DOCK9: variants seen among roughly 807,000 people sequenced by gnomAD.
DOCK9 encodes dedicator of cytokinesis protein 9.
DOCK9 carries 89 observed loss-of-function variants against 263.3 expected under a neutral mutation model. That is an observed-to-expected ratio of 0.34 (90% confidence interval 0.28 to 0.40). The LOEUF is 0.40. Among genes scored for constraint, DOCK9 ranks in the 10% least tolerant of loss-of-function variants. The pLI, the probability that DOCK9 is intolerant of heterozygous loss-of-function variation, is 1.00. For missense variants in DOCK9, 2,140 were observed against 2,603.4 expected (o/e 0.82, Z 3.87); for synonymous variants, 976 against 973.1 (o/e 1.00, Z -0.06).
At chr13:98,839,085 G>A (rs1052129296) in intron 38 of DOCK9, among the ~76,000 whole-genome samples, 13 of 152,312 alleles carry the variant, frequency 8.5e-5, no homozygotes, top group African/African-American at 2.9e-4. Context: ...TTTAAAATAT[G>A]ATAGAAATGC....
intron 48 of DOCK9, 151 bp downstream of exon 48, chr13:98,807,510 A>G (rs2090864387): frequency 3.4e-6 from 2 of 588,698 alleles, no homozygotes; most frequent in Non-Finnish European, 5.1e-6. Context: ...GGAAAGCACT[A>G]AAGGTATCAG....
chr13:98,998,207 G>C (rs1356492430), intron 1 of DOCK9, among the ~76,000 whole-genome samples: 1 of 152,188 alleles, frequency 6.6e-6, no homozygotes. Context: ...TGCATCATCA[G>C]AGAAGCCAGA....
chr13:99,075,900 G>T (rs188408436), intron 1 of DOCK9, among the ~76,000 whole-genome samples: 1 of 152,178 alleles, frequency 6.6e-6, no homozygotes, highest in African/African-American at 2.4e-5. Context: ...TTCACTTTCA[G>T]ATTAACATTC....
intron 1 of DOCK9, among the ~76,000 whole-genome samples, chr13:98,967,530 C>T (rs2059328259): frequency 6.6e-6 from 1 of 152,220 alleles, no homozygotes; most frequent in African/African-American, 2.4e-5. Flanking sequence ...GGACCTTCCC[C>T]ATCACACATG....
intron 39 of DOCK9, chr13:98,832,100 G>A (rs989528374): frequency 1.3e-4 from 32 of 255,804 alleles, no homozygotes; most frequent in African/African-American, 5.5e-4. Flanking sequence ...ATACAGAGGT[G>A]CCATTTGTGA....
intron 27 of DOCK9, among the ~76,000 whole-genome samples, chr13:98,876,230 G>A (rs1268097204): frequency 6.6e-6 from 1 of 152,186 alleles, no homozygotes; most frequent in South Asian, 2.1e-4. Flanking sequence ...GGTGGCTCAC[G>A]CCTGTAATCC....
chr13:99,020,390 A>C (rs1394053961), intron 1 of DOCK9, among the ~76,000 whole-genome samples: 1 of 152,116 alleles, frequency 6.6e-6, no homozygotes, highest in African/African-American at 2.4e-5. Flanking sequence ...CAGGGTGTGC[A>C]TTTTAGACCT....
chr13:98,995,165 G>A (rs777222162), intron 1 of DOCK9, among the ~76,000 whole-genome samples: 90 of 152,174 alleles, frequency 5.9e-4, no homozygotes, highest in African/African-American at 5.5e-4. Context: ...ACAAAACACC[G>A]TTCCCGAGGA....
chr13:98,870,156 T>C (rs1566789931), intron 27 of DOCK9, among the ~76,000 whole-genome samples: 1 of 152,230 alleles, frequency 6.6e-6, no homozygotes, highest in African/African-American at 2.4e-5. Flanking sequence ...ATTTCTGACA[T>C]GACAGCAGGC....
chr13:98,869,208 A>G (rs1594818788), intron 27 of DOCK9, among the ~76,000 whole-genome samples: 1 of 152,264 alleles, frequency 6.6e-6, no homozygotes, highest in Admixed American at 6.5e-5. Context: ...TTTCCCCAAC[A>G]GGAACCTACA....
intron 9 of DOCK9, among the ~76,000 whole-genome samples, chr13:98,906,932 C>T (rs558353963): frequency 6.6e-6 from 1 of 152,158 alleles, no homozygotes; most frequent in South Asian, 2.1e-4. Context: ...GTTGCCACAC[C>T]AAGTTTATCT....
At chr13:98,822,165 G>A (rs2092311571) in intron 45 of DOCK9, among the ~76,000 whole-genome samples, 1 of 152,158 alleles carries the variant, frequency 6.6e-6, no homozygotes, top group South Asian at 2.1e-4. Flanking sequence ...CCTTGTTAAA[G>A]ATTTACTAAG....
intron 13 of DOCK9, among the ~76,000 whole-genome samples, chr13:98,901,112 A>G (rs1050053377): frequency 6.6e-6 from 1 of 152,246 alleles, no homozygotes; most frequent in Non-Finnish European, 1.5e-5. Flanking sequence ...AGCTCCAGCC[A>G]TGAGACACTG....
At position 99,076,557 on chromosome 13, in the gene DOCK9, A is replaced by G. The variant is rs963844534; in HGVS notation, c.129+9666T>C. 2.6e-5 allele frequency among the ~76,000 whole-genome samples: 4 copies of G among 152,218 alleles called. No individual in the cohort carries two copies. In the East Asian group the frequency reaches 7.7e-4, roughly 29 times the overall value. On this transcript the variant is annotated intron_variant, in intron 1 of 32. Transcript: ENST00000427887. Reference sequence around the variant, plus strand: ...TGATGTGCAAAAATATTGGCAAATTAGTCATATGTAGCAATGAGAAACTCA... The same window carrying G: ...TGATGTGCAAAAATATTGGCAAATTGGTCATATGTAGCAATGAGAAACTCA...
intron 2 of DOCK9, among the ~76,000 whole-genome samples, chr13:98,932,073 G>A (rs2054039833): frequency 6.6e-6 from 1 of 152,074 alleles, no homozygotes; most frequent in African/African-American, 2.4e-5. Flanking sequence ...TTTCTCCTAT[G>A]GACTGTAACC....
At chr13:99,054,649 A>G (rs12867949) in intron 1 of DOCK9, among the ~76,000 whole-genome samples, 96,608 of 152,104 alleles carry the variant, frequency 0.64, 31,166 homozygotes, top group East Asian at 0.9. Context: ...CCCTGCCTCA[A>G]GCATAAAGCA....
chr13:99,026,207 T>C (rs1050911868), intron 1 of DOCK9, among the ~76,000 whole-genome samples: 5 of 152,078 alleles, frequency 3.3e-5, no homozygotes, highest in African/African-American at 7.2e-5. Context: ...TTGACTATGG[T>C]GATGGATGCA....
At chr13:98,798,388 C>T (rs2089697196) in intron 50 of DOCK9, among the ~76,000 whole-genome samples, 1 of 152,154 alleles carries the variant, frequency 6.6e-6, no homozygotes, top group Non-Finnish European at 1.5e-5. Context: ...CGTGGAGACA[C>T]AGGAGGGTTC....
At chr13:99,036,547 T>G (rs1448503084) in intron 1 of DOCK9, among the ~76,000 whole-genome samples, 1 of 152,040 alleles carries the variant, frequency 6.6e-6, no homozygotes, top group African/African-American at 2.4e-5. Context: ...GGTTTTTTGT[T>G]TTGTTTTGTT....
Sources: allele counts gnomAD v4.1 joint callset (sites outside exome capture counted in the v4.1 genomes callset), GRCh38; gene constraint gnomAD v4.1.1; transcripts MANE v1.5; gene names NCBI Gene and HGNC (gene_info 2026-07-23, HGNC 2026-07-21).